GIPR: variants seen among roughly 807,000 people sequenced by gnomAD.
The protein encoded by GIPR is GIP-R.
Under a neutral mutation model 62.2 loss-of-function variants are expected in GIPR, and 74 were observed. The observed-to-expected ratio is 1.19, with a 90% CI of 0.99 to 1.44. The LOEUF is 1.44. Ranked by LOEUF, GIPR falls within the 40% of genes most tolerant of loss-of-function variation. The probability of loss-of-function intolerance (pLI) is 0.00; values close to 1 mark genes in which losing one functional copy is unlikely to be tolerated. For synonymous variants in GIPR, 256 were observed against 262.2 expected (o/e 0.98, Z 0.23); for missense variants, 664 against 611.8 (o/e 1.09, Z -0.90).
intron 5 of GIPR, 141 bp from the exon 6 acceptor site, chr19:45,673,933 C>T: frequency 4.0e-6 from 3 of 743,076 alleles, no homozygotes; most frequent in Non-Finnish European, 7.4e-6. Context: ...GGAGTCAGCC[C>T]TTCTCAAATA....
At chr19:45,680,171 G>T (rs950808496) in intron 12 of GIPR, among the ~76,000 whole-genome samples, 5 of 152,148 alleles carry the variant, frequency 3.3e-5, no homozygotes, top group African/African-American at 1.2e-4. Flanking sequence ...AGTCCAGCGT[G>T]ACCAACATGG....
rs550999654 is a variant in GIPR at position 45,683,007 on chromosome 19, A to G, written c.*1072A>G. On this transcript the variant is annotated 3_prime_UTR_variant, in exon 14 of 14. Coordinates refer to ENST00000590918, the MANE Select transcript of GIPR (RefSeq NM_000164.4). ...CCACTGAGGGGTATGAAGCAGTCGG[A>G]TTTGAAGCTGTTTAAAAGGTGGAGG... 45 of 152,682 alleles carry G rather than the reference A, an allele frequency of 2.9e-4. No individual in the cohort carries two copies. Among genetic ancestry groups the G allele is most frequent in the Non-Finnish European group, 4.8e-4 (33 of 68,292 alleles). The allele number at this position is 152,682 out of a possible 1,614,324, so 9.5% of individuals were successfully genotyped here.
intron 2 of GIPR, among the ~76,000 whole-genome samples, chr19:45,669,830 T>A (rs949865919): frequency 1.2e-4 from 18 of 150,668 alleles, no homozygotes; most frequent in Non-Finnish European, 2.5e-4. Flanking sequence ...CCGCCTGTAA[T>A]CCCAGCTACT....
intron 5 of GIPR, 74 bp from the exon 6 acceptor site, chr19:45,674,000 G>C: frequency 1.2e-6 from 1 of 853,926 alleles, no homozygotes; most frequent in South Asian, 1.3e-5. Context: ...AAAGAGCAGA[G>C]GTCCTTCCAG....
At chr19:45,681,690 C>T (rs1248709824) in intron 13 of GIPR, 39 bp from the exon 14 acceptor site, 3 of 1,611,056 alleles carry the variant, frequency 1.9e-6, no homozygotes, top group African/African-American at 1.3e-5. Flanking sequence ...GGCGGCAGCG[C>T]GGGGTACGGC....
rs1403849957 is a variant in GIPR at position 45,681,903 on chromosome 19, G to A, written c.1369G>A (p.Glu457Lys). 6 of 1,560,540 alleles carry A rather than the reference G, an allele frequency of 3.8e-6. No individual in the cohort carries two copies. Among genetic ancestry groups the A allele is most frequent in the Non-Finnish European group, 5.2e-6 (6 of 1,151,650 alleles). Residue 457 changes from glutamate to lysine, a missense_variant, in exon 14 of 14, where the codon GAG becomes AAG. By Grantham distance (56) the Glu-to-Lys change is moderately conservative. Transcript: ENST00000590918. ...GGGGACCCTCCCAGGGCCTGGGAAT[G>A]AGGCCAGCCGGGAGTTGGAAAGTTA... ...SSGTLPGPGN[E>K]ASRELESYC
In GIPR at chr19:45,678,001, G is replaced by T; in HGVS notation, c.1013+7G>T. The T allele has an allele frequency of 6.2e-7, 1 of 1,613,340 alleles. No individual in the cohort carries two copies. Among genetic ancestry groups the T allele is most frequent in the South Asian group, 1.1e-5 (1 of 91,082 alleles). ...GCCGGGATTACCGGCTGAGGTGAGG[G>T]CATGCGTTGGGGACCGAGGGGAAGG... On this transcript the variant is annotated splice_region_variant and intron_variant, in intron 11 of 13. Transcript: ENST00000590918.
chr19:45,676,676 C>T (rs866207038), intron 7 of GIPR, among the ~76,000 whole-genome samples: 3 of 152,026 alleles, frequency 2.0e-5, no homozygotes, highest in Non-Finnish European at 2.9e-5. Flanking sequence ...TCAGGTGATC[C>T]GCCCACCTCG....
intron 7 of GIPR, among the ~76,000 whole-genome samples, chr19:45,676,733 C>T (rs557501284): frequency 6.6e-6 from 1 of 152,106 alleles, no homozygotes; most frequent in Non-Finnish European, 1.5e-5. Context: ...CGCGCCCTAC[C>T]AGATACCAAT....
rs1967308054 is a variant in GIPR at position 45,682,630 on chromosome 19, A to C, written c.*695A>C. 2 of 148,158 alleles carry C rather than the reference A, an allele frequency of 1.3e-5. No homozygotes were observed. The highest frequency in any genetic ancestry group is 2.5e-5 in the African/African-American group (1 of 39,788). The allele number at this position is 148,158 out of a possible 1,614,324, so 9.2% of individuals were successfully genotyped here. A position where few individuals can be genotyped will look rare whatever the true frequency, so the allele number is the denominator to read the frequency against. On this transcript the variant is annotated 3_prime_UTR_variant, in exon 14 of 14. Transcript: ENST00000590918. ...GGCTGGAGTGCAGTGGTGCAATTTC[A>C]GCTCACTGCACCCTCCACCTCCCGA...
In GIPR at chr19:45,671,347, A is replaced by T; in HGVS notation, c.235A>T (p.Thr79Ser). The change falls in exon 4 of 14, where the codon ACT becomes TCT. Residue 79 changes from threonine (T) to serine (S), a missense_variant. By Grantham distance (58) the Thr-to-Ser change is moderately conservative (BLOSUM62 1). Transcript: ENST00000590918. ...CTGGGACTATGCTGCACCCAATGCCACTGCCCGTGCGTCCTGCCCCTGGTA... is the reference window on the plus strand; with the variant it reads ...CTGGGACTATGCTGCACCCAATGCCTCTGCCCGTGCGTCCTGCCCCTGGTA... ...VCWDYAAPNA[T>S]ARASCPWYLP... 1.2e-6 allele frequency: 2 copies of T among 1,612,590 alleles called. No individual in the cohort carries two copies. Among genetic ancestry groups the T allele is most frequent in the Non-Finnish European group, 1.7e-6 (2 of 1,179,818 alleles).
chr19:45,682,131 G>C lies in GIPR; in HGVS notation c.*196G>C, dbSNP rs572172147. 12 of 613,980 alleles carry C rather than the reference G, an allele frequency of 2.0e-5. No individual in the cohort carries two copies. The highest frequency in any genetic ancestry group is 8.7e-5 in the Admixed American group (3 of 34,616). The allele number at this position is 613,980 out of a possible 1,614,324, so 38.0% of individuals were successfully genotyped here. On this transcript the variant is annotated 3_prime_UTR_variant, in exon 14 of 14. Coordinates refer to ENST00000590918, the MANE Select transcript of GIPR (RefSeq NM_000164.4). The stretch of plus-strand genomic sequence containing the variant: ...CAAGTTCCACACACGCTATGGAATG[G>C]TTATGAAGGGAAGCGAGAAGGGGGC...
chr19:45,678,348 T>C, intron 12 of GIPR, 122 bp downstream of exon 12: 1 of 1,111,450 alleles, frequency 9.0e-7, no homozygotes, highest in Non-Finnish European at 1.3e-6. Flanking sequence ...GGGATTTAGT[T>C]CGTTCATTAA....
intron 5 of GIPR, among the ~76,000 whole-genome samples, chr19:45,673,170 A>G (rs1975633496): frequency 6.6e-6 from 1 of 152,220 alleles, no homozygotes; most frequent in South Asian, 2.1e-4. Context: ...CTGTAATCCC[A>G]GCACTTTGGG....
chr19:45,682,094 A>G lies in GIPR; in HGVS notation c.*159A>G, dbSNP rs190243927. 1.7e-4 allele frequency: 115 copies of G among 661,164 alleles called. 1 individual carries two copies. In the African/African-American group the frequency reaches 1.8e-3, roughly 10 times the overall value. The allele number at this position is 661,164 out of a possible 1,614,324, so 41.0% of individuals were successfully genotyped here. ...AACTGAGTGGGGAAAACAGACCGTG[A>G]ACACAAAACATCAAGTTCCACACAC... On this transcript the variant is annotated 3_prime_UTR_variant, in exon 14 of 14. Coordinates refer to ENST00000590918, the MANE Select transcript of GIPR (RefSeq NM_000164.4).
chr19:45,668,346 T>C (rs4803845), intron 1 of GIPR, 48 bp downstream of exon 1: 152,306 of 153,086 alleles, frequency 0.99, 75,769 homozygotes, highest in East Asian at 1. Context: ...CCCCTTGACC[T>C]CTCAAGTCTC....
chr19:45,670,161 GCTGGGACTACAGGCGCACT>G (rs1975460428), intron 2 of GIPR: 1 of 154,562 alleles, frequency 6.5e-6, no homozygotes, highest in Admixed American at 6.5e-5. Flanking sequence ...CTCTCGAGTA[GCTGGGACTACAGGCGCACT>G]CCACCATGCC....
At chr19:45,672,990 G>A in intron 5 of GIPR, 36 bp downstream of exon 5, 2 of 1,211,382 alleles carry the variant, frequency 1.7e-6, no homozygotes, top group Non-Finnish European at 2.5e-6. Flanking sequence ...TAGGAGTCCA[G>A]GGAGAGATGG....
At chr19:45,673,434 A>G (rs1038171362) in intron 5 of GIPR, among the ~76,000 whole-genome samples, 93 of 151,624 alleles carry the variant, frequency 6.1e-4, no homozygotes, top group Non-Finnish European at 1.1e-3. Context: ...AAAAAAAAAA[A>G]AAAAAAAAAG....
Sources: allele counts gnomAD v4.1 joint callset (sites outside exome capture counted in the v4.1 genomes callset), GRCh38; gene constraint gnomAD v4.1.1; transcripts MANE v1.5; gene names NCBI Gene and HGNC (gene_info 2026-07-23, HGNC 2026-07-21).